Variants in PTPRT observed in about 807,000 individuals in gnomAD.
PTPRT encodes the protein receptor-type tyrosine-protein phosphatase T.
In PTPRT, 56 loss-of-function variants were observed where a neutral mutation model predicts 176.8. The ratio of observed to expected loss-of-function variants is 0.32; its 90% CI spans 0.26 to 0.40. PTPRT has a LOEUF of 0.40. PTPRT is among the 10% of genes least tolerant of loss of function. The pLI is 1.00. For missense variants in PTPRT, 1,540 were observed against 1,908.2 expected, an observed-to-expected ratio of 0.81 and a Z score of 3.60; for synonymous variants, 783 against 739.0, an observed-to-expected ratio of 1.06 and a Z score of -0.96.
intron 7 of PTPRT, among the ~76,000 whole-genome samples, chr20:42,551,345 A>G (rs546971053): frequency 6.6e-6 from 1 of 152,142 alleles, no homozygotes; most frequent in South Asian, 2.1e-4. Flanking sequence ...AGGCACACAC[A>G]AAAAGCAATT....
At chr20:42,158,154 G>A (rs1989441658) in intron 17 of PTPRT, among the ~76,000 whole-genome samples, 1 of 152,166 alleles carries the variant, frequency 6.6e-6, no homozygotes, top group African/African-American at 2.4e-5. Context: ...ATTTGGAGTG[G>A]TTTGTAACAT....
chr20:42,420,628 G>A (rs2059109775), intron 9 of PTPRT, among the ~76,000 whole-genome samples: 2 of 152,082 alleles, frequency 1.3e-5, no homozygotes, highest in African/African-American at 4.8e-5. Flanking sequence ...TACTCACTTG[G>A]TTACTGATGT....
Position 42,085,775 on chromosome 20 carries a change from C to T in PTPRT, c.3925G>A (p.Asp1309Asn), listed in dbSNP as rs765339833. Residue 1309 changes from aspartate to asparagine, a missense_variant, in exon 28 of 31, where the codon GAC becomes AAC. Coordinates refer to ENST00000373187, the MANE Select transcript of PTPRT (RefSeq NM_007050.6). ...AATATTCTGTGGATGATGTCCTCGT[C>T]GATGTCTGCGGAGACGAACTCCACC... Reference protein sequence around the residue: ...IQVEFVSADIDEDIIHRIFRI... With the variant: ...IQVEFVSADINEDIIHRIFRI... 3.7e-6 allele frequency: 6 copies of T among 1,613,918 alleles called. No homozygotes were observed. Among genetic ancestry groups the T allele is most frequent in the East Asian group, 2.2e-5 (1 of 44,888 alleles).
At chr20:42,258,756 T>C (rs1208793108) in intron 13 of PTPRT, among the ~76,000 whole-genome samples, 1 of 152,206 alleles carries the variant, frequency 6.6e-6, no homozygotes, top group African/African-American at 2.4e-5. Flanking sequence ...ATAAATTGCC[T>C]CAATTCATCA....
At position 42,672,298 on chromosome 20, in the gene PTPRT, C is replaced by T. The variant is rs139799690; in HGVS notation, c.1153+5568G>A. Among the ~76,000 whole-genome samples, 6 of 152,262 alleles carry T rather than the reference C, an allele frequency of 3.9e-5. No homozygotes were observed. In the East Asian group the frequency reaches 1.2e-3, roughly 29 times the overall value. On this transcript the variant is annotated intron_variant, in intron 7 of 30. Coordinates refer to ENST00000373187, the MANE Select transcript of PTPRT (RefSeq NM_007050.6). ...AGACTAGACTGGCTTAGTCTACTGGCCTACATCTTTCTCCCATATTGGATG... is the reference window on the plus strand; with the variant it reads ...AGACTAGACTGGCTTAGTCTACTGGTCTACATCTTTCTCCCATATTGGATG...
chr20:42,109,222 T>G (rs1271853937), intron 23 of PTPRT, among the ~76,000 whole-genome samples: 1 of 152,120 alleles, frequency 6.6e-6, no homozygotes, highest in African/African-American at 2.4e-5. Context: ...TCTTCCATGG[T>G]CTCTTGACTG....
chr20:42,127,647 A>G (rs965363236), intron 19 of PTPRT, among the ~76,000 whole-genome samples: 8 of 152,202 alleles, frequency 5.3e-5, no homozygotes, highest in African/African-American at 1.9e-4. Context: ...TCTCTGTGCC[A>G]TTCTTCAAGA....
chr20:42,352,148 G>T lies in PTPRT; in HGVS notation c.1698C>A (p.Ile566=), dbSNP rs772196996. 6.2e-6 allele frequency: 10 copies of T among 1,614,200 alleles called. No individual in the cohort carries two copies. Among genetic ancestry groups the T allele is most frequent in the Non-Finnish European group, 8.5e-6 (10 of 1,180,040 alleles). Residue 566 remains isoleucine, a synonymous_variant, in exon 10 of 31, where the codon ATC becomes ATA. Coordinates refer to ENST00000373187, the MANE Select transcript of PTPRT (RefSeq NM_007050.6). ...LYPGTTYSFT[I]KASTAKGFGP... is the part of the protein sequence containing the mutation. ...CAAAGCCCTTTGCTGTGCTGGCCTT[G>T]ATGGTGAAGGAATAGGTGGTCCCTG...
chr20:42,497,811 T>C (rs998280568), intron 7 of PTPRT, among the ~76,000 whole-genome samples: 7 of 152,186 alleles, frequency 4.6e-5, no homozygotes, highest in African/African-American at 1.4e-4. Context: ...AAAGGTATTT[T>C]GCAAAAAGTG....
chr20:42,228,349 C>T (rs1406494823), intron 15 of PTPRT, among the ~76,000 whole-genome samples: 4 of 152,134 alleles, frequency 2.6e-5, no homozygotes, highest in African/African-American at 9.7e-5. Flanking sequence ...TACAGATTTG[C>T]TCTGTTTGGC....
chr20:42,390,082 G>A (rs771012887), intron 9 of PTPRT, among the ~76,000 whole-genome samples: 7 of 152,056 alleles, frequency 4.6e-5, no homozygotes, highest in Non-Finnish European at 8.8e-5. Context: ...CCTATGCAAC[G>A]GACTCTAGGA....
At chr20:43,152,950 T>C (rs2014406002) in intron 1 of PTPRT, among the ~76,000 whole-genome samples, 1 of 152,208 alleles carries the variant, frequency 6.6e-6, no homozygotes, top group Non-Finnish European at 1.5e-5. Flanking sequence ...CTACTTGTTC[T>C]ACATTTTTAC....
intron 9 of PTPRT, among the ~76,000 whole-genome samples, chr20:42,383,361 G>C (rs2058714070): frequency 6.6e-6 from 1 of 152,030 alleles, no homozygotes; most frequent in South Asian, 2.1e-4. Context: ...AGTACCATGG[G>C]CTCATGGGTT....
intron 7 of PTPRT, among the ~76,000 whole-genome samples, chr20:42,666,765 T>C (rs888238567): frequency 2.0e-5 from 3 of 152,244 alleles, no homozygotes; most frequent in African/African-American, 7.2e-5. Flanking sequence ...CTTAAGTGTT[T>C]ATACTGTAAT....
intron 15 of PTPRT, among the ~76,000 whole-genome samples, chr20:42,217,506 T>C (rs1023156103): frequency 4.6e-5 from 7 of 151,968 alleles, no homozygotes; most frequent in Non-Finnish European, 1.0e-4. Flanking sequence ...ACAATTCCCA[T>C]TTTTCTAGAA....
At chr20:42,818,102 C>T (rs568594216) in intron 2 of PTPRT, among the ~76,000 whole-genome samples, 48 of 152,250 alleles carry the variant, frequency 3.2e-4, no homozygotes, top group African/African-American at 1.0e-3. Flanking sequence ...ATACCCTATA[C>T]AGGAGCAACC....
intron 7 of PTPRT, among the ~76,000 whole-genome samples, chr20:42,616,482 T>C (rs1311998927): frequency 7.8e-6 from 1 of 128,650 alleles, no homozygotes; most frequent in Non-Finnish European, 1.6e-5. Flanking sequence ...AAGAAAGGCA[T>C]TGGTAGCTTG....
chr20:42,513,853 C>T (rs2072007898), intron 7 of PTPRT, among the ~76,000 whole-genome samples: 1 of 152,078 alleles, frequency 6.6e-6, no homozygotes, highest in Non-Finnish European at 1.5e-5. Context: ...GAAAAATGAA[C>T]GTTTAAGCCT....
At chr20:42,343,245 C>T (rs991100082) in intron 11 of PTPRT, among the ~76,000 whole-genome samples, 2 of 152,182 alleles carry the variant, frequency 1.3e-5, no homozygotes, top group African/African-American at 2.4e-5. Flanking sequence ...CCTTTGCCAC[C>T]ATTCGCCTTT....
Sources: gnomAD v4.1 joint callset for allele counts (sites outside exome capture counted in the v4.1 genomes callset) on GRCh38, gnomAD v4.1.1 for gene constraint, MANE v1.5 for transcripts, NCBI Gene and HGNC (gene_info 2026-07-23, HGNC 2026-07-21) for gene names.